Variants in WDFY1 observed in about 807,000 individuals in gnomAD.
WDFY1 encodes WD repeat and FYVE domain-containing protein 1.
A neutral mutation model predicts 56.4 loss-of-function variants in WDFY1; 32 were observed. The ratio of observed to expected loss-of-function variants is 0.57; its 90% confidence interval spans 0.43 to 0.76. WDFY1 has a LOEUF of 0.76. WDFY1 is among the 30% of genes least tolerant of loss of function. The pLI, the probability that WDFY1 is intolerant of heterozygous loss-of-function variation, is 0.00. For missense variants in WDFY1, 480 were observed against 545.7 expected, an observed-to-expected ratio of 0.88 and a Z score of 1.20; for synonymous variants, 192 against 197.3, an observed-to-expected ratio of 0.97 and a Z score of 0.23.
chr2:223,925,071 A>C (rs1693955244), intron 1 of WDFY1, among the ~76,000 whole-genome samples: 1 of 152,212 alleles, frequency 6.6e-6, no homozygotes, highest in Admixed American at 6.5e-5. Context: ...AGCTTTATCC[A>C]AGGAGTAAAA....
chr2:223,930,593 G>C (rs61607350), intron 1 of WDFY1, among the ~76,000 whole-genome samples: 1 of 152,150 alleles, frequency 6.6e-6, no homozygotes, highest in South Asian at 2.1e-4. Context: ...GGCCTCCCAG[G>C]CATGAACTGC....
At chr2:223,937,310 T>G (rs1689203995) in intron 1 of WDFY1, among the ~76,000 whole-genome samples, 1 of 152,194 alleles carries the variant, frequency 6.6e-6, no homozygotes, top group Non-Finnish European at 1.5e-5. Context: ...ATATTACTCT[T>G]TCGTAAGATT....
intron 6 of WDFY1, among the ~76,000 whole-genome samples, chr2:223,898,650 C>T (rs1180658069): frequency 6.6e-6 from 1 of 152,128 alleles, no homozygotes; most frequent in Non-Finnish European, 1.5e-5. Context: ...AAGTGGTACA[C>T]CTAATTCGGC....
At chr2:223,927,951 A>AGAGG (rs1309555654) in intron 1 of WDFY1, among the ~76,000 whole-genome samples, 8 of 152,134 alleles carry the variant, frequency 5.3e-5, no homozygotes, top group African/African-American at 1.4e-4. Context: ...AGGCAGGGAA[A>AGAGG]GAGGGAGGGA....
intron 2 of WDFY1, among the ~76,000 whole-genome samples, chr2:223,916,298 AGAG>A (rs1559171234): frequency 6.6e-6 from 1 of 152,216 alleles, no homozygotes; most frequent in Non-Finnish European, 1.5e-5. Context: ...AAGTGCTACC[AGAG>A]GAGAGAGGTG....
rs757550084 is a variant in WDFY1, at chr2:223,945,335, C to A, written c.-51G>T. ...CCTCGGCAGGCAGCCCATCAGCTGACGCCTGGGCGGGCGGGGGACGCGCCG... is the reference window on the plus strand; with the variant it reads ...CCTCGGCAGGCAGCCCATCAGCTGAAGCCTGGGCGGGCGGGGGACGCGCCG... On this transcript the variant is annotated 5_prime_UTR_variant, in exon 1 of 12. Coordinates refer to ENST00000233055, the MANE Select transcript of WDFY1 (RefSeq NM_020830.5). 5.3e-5 allele frequency: 79 copies of A among 1,496,702 alleles called. No homozygotes were observed. Among genetic ancestry groups the A allele is most frequent in the Non-Finnish European group, 6.3e-5 (71 of 1,132,798 alleles). The allele number at this position is 1,496,702 out of a possible 1,614,324, so 92.7% of individuals were successfully genotyped here.
intron 1 of WDFY1, among the ~76,000 whole-genome samples, chr2:223,944,513 G>T (rs1183811129): frequency 6.6e-6 from 1 of 151,974 alleles, no homozygotes; most frequent in Non-Finnish European, 1.5e-5. Flanking sequence ...CAGAGTTCCC[G>T]CGCTGGAGGG....
chr2:223,897,492 C>T (rs1693413662), intron 6 of WDFY1, among the ~76,000 whole-genome samples: 1 of 151,212 alleles, frequency 6.6e-6, no homozygotes, highest in African/African-American at 2.4e-5. Flanking sequence ...GATTCTCCTG[C>T]CTCAGCCTCC....
At chr2:223,935,019 A>G (rs1694145255) in intron 1 of WDFY1, among the ~76,000 whole-genome samples, 1 of 152,148 alleles carries the variant, frequency 6.6e-6, no homozygotes, top group Non-Finnish European at 1.5e-5. Flanking sequence ...AATGAAACTG[A>G]GAAGAGGGTT....
chr2:223,909,672 G>T (rs1056079045), intron 3 of WDFY1, among the ~76,000 whole-genome samples: 8 of 151,990 alleles, frequency 5.3e-5, no homozygotes, highest in Non-Finnish European at 4.4e-5. Context: ...AGCTGCTCAA[G>T]CCAAAAACCT....
At chr2:223,895,387 T>C (rs1486935713) in intron 7 of WDFY1, 117 bp downstream of exon 7, 2 of 1,484,130 alleles carry the variant, frequency 1.3e-6, no homozygotes, top group Non-Finnish European at 1.9e-6. Flanking sequence ...GCCCTATCAA[T>C]GATAATTGCC....
chr2:223,929,974 T>G (rs973921522), intron 1 of WDFY1, among the ~76,000 whole-genome samples: 22 of 152,220 alleles, frequency 1.4e-4, no homozygotes, highest in African/African-American at 4.6e-4. Context: ...AATCCACACT[T>G]TATCCTCCAA....
chr2:223,930,535 T>C (rs571701113), intron 1 of WDFY1, among the ~76,000 whole-genome samples: 175 of 152,362 alleles, frequency 1.1e-3, no homozygotes, highest in Non-Finnish European at 1.7e-3. Context: ...TTCACCATGT[T>C]GACCATACTG....
intron 6 of WDFY1, among the ~76,000 whole-genome samples, chr2:223,896,177 A>AAAAAAAAAAAAAC: frequency 2.0e-5 from 3 of 148,402 alleles, no homozygotes; most frequent in African/African-American, 7.5e-5. Flanking sequence ...AAAAAAAAAA[A>AAAAAAAAAAAAAC]AAAAAACTGC....
intron 2 of WDFY1, among the ~76,000 whole-genome samples, chr2:223,913,212 C>CA (rs60874770): frequency 0.011 from 674 of 59,322 alleles, 4 homozygotes; most frequent in East Asian, 0.037. Flanking sequence ...AACTCCATCT[C>CA]AAAAAAAAAA....
At position 223,901,232 on chromosome 2, in the gene WDFY1, C is replaced by T. The variant is rs768761146; in HGVS notation, c.436G>A (p.Gly146Arg). 6 of 1,614,060 alleles carry T rather than the reference C, an allele frequency of 3.7e-6. No homozygotes were observed. Among genetic ancestry groups the T allele is most frequent in the Non-Finnish European group, 5.1e-6 (6 of 1,180,006 alleles). Residue 146 changes from glycine to arginine, a missense_variant, in exon 5 of 12, where the codon GGG (glycine) becomes AGG (arginine). By Grantham distance (125) the Gly-to-Arg change is moderately radical. Transcript: ENST00000233055. ...KCVSWMCTRSGNMLGRHFFTS... is the reference protein window; with the variant it reads ...KCVSWMCTRSRNMLGRHFFTS... ...AAGAAGTGCCTCCCGAGCATGTTCCCGCTCCGCGTGCACATCCAGCTCACA... is the reference window on the plus strand; with the variant it reads ...AAGAAGTGCCTCCCGAGCATGTTCCTGCTCCGCGTGCACATCCAGCTCACA...
At chr2:223,936,572 T>C (rs1040645659) in intron 1 of WDFY1, among the ~76,000 whole-genome samples, 1 of 152,138 alleles carries the variant, frequency 6.6e-6, no homozygotes, top group African/African-American at 2.4e-5. Context: ...TATGGGCAGG[T>C]GGGCAGAAAA....
At chr2:223,893,273 T>C (rs1036133264) in intron 8 of WDFY1, among the ~76,000 whole-genome samples, 1 of 151,798 alleles carries the variant, frequency 6.6e-6, no homozygotes, top group Non-Finnish European at 1.5e-5. Context: ...TCCCAGCAAT[T>C]TGGGAGACTG....
intron 6 of WDFY1, among the ~76,000 whole-genome samples, chr2:223,897,934 C>A (rs914907780): frequency 4.6e-5 from 7 of 152,244 alleles, no homozygotes; most frequent in African/African-American, 1.4e-4. Flanking sequence ...AAGGCCCTCA[C>A]CAGAAGCATG....
Sources: allele counts gnomAD v4.1 joint callset (sites outside exome capture counted in the v4.1 genomes callset), GRCh38; gene constraint gnomAD v4.1.1; transcripts MANE v1.5; gene names NCBI Gene and HGNC (gene_info 2026-07-23, HGNC 2026-07-21).